POP1: variants seen among roughly 807,000 people sequenced by gnomAD.
POP1 encodes the protein ribonucleases P/MRP protein subunit POP1.
POP1 carries 75 observed loss-of-function variants against 102.2 expected under a neutral mutation model. That is an observed-to-expected ratio of 0.73 (90% CI 0.61 to 0.89). POP1 has a LOEUF of 0.89. Among genes scored for constraint, POP1 ranks in the 40% least tolerant of loss-of-function variants. The probability of loss-of-function intolerance (pLI) is 0.00; values close to 1 mark genes in which losing one functional copy is unlikely to be tolerated. For synonymous variants in POP1, 436 were observed against 464.1 expected, an observed-to-expected ratio of 0.94 and a Z score of 0.78; for missense variants, 1,116 against 1,267.4, an observed-to-expected ratio of 0.88 and a Z score of 1.81.
At chr8:98,132,561 A>G (rs551183311) in intron 5 of POP1, among the ~76,000 whole-genome samples, 39 of 152,292 alleles carry the variant, frequency 2.6e-4, no homozygotes, top group African/African-American at 8.9e-4. Context: ...GCTATAGCAG[A>G]AGGGTTGGTT....
intron 11 of POP1, among the ~76,000 whole-genome samples, chr8:98,145,842 G>T (rs906229439): frequency 7.9e-5 from 12 of 151,970 alleles, no homozygotes; most frequent in Non-Finnish European, 1.8e-4. Flanking sequence ...GGAGGCGAAG[G>T]TTGCAGTGAA....
intron 1 of POP1, 81 bp from the exon 2 acceptor site, chr8:98,123,255 G>C: frequency 6.7e-7 from 1 of 1,484,256 alleles, no homozygotes; most frequent in African/African-American, 1.4e-5. Flanking sequence ...TGAATCACAT[G>C]AATATTTACT....
chr8:98,126,384 A>T (rs1308305683), intron 2 of POP1, among the ~76,000 whole-genome samples: 1 of 152,154 alleles, frequency 6.6e-6, no homozygotes, highest in Non-Finnish European at 1.5e-5. Context: ...GGAAAATTGC[A>T]CATCCGACCT....
intron 11 of POP1, among the ~76,000 whole-genome samples, chr8:98,143,505 AT>A (rs775031661): frequency 8.5e-5 from 13 of 152,124 alleles, no homozygotes; most frequent in Non-Finnish European, 8.8e-5. Flanking sequence ...ATGAACCGAC[AT>A]TAACACATCA....
intron 1 of POP1, among the ~76,000 whole-genome samples, chr8:98,121,684 AT>A (rs35137527): frequency 0.31 from 42,056 of 136,268 alleles, 6,728 homozygotes; most frequent in South Asian, 0.4. Flanking sequence ...CACCCAACTA[AT>A]TTTTTTTTTT....
In POP1 at chr8:98,117,364, C is replaced by T. The variant is rs994136460; in HGVS notation, c.-29C>T. On this transcript the variant is annotated 5_prime_UTR_variant, in exon 1 of 16. Coordinates refer to ENST00000401707, the MANE Select transcript of POP1 (RefSeq NM_001145860.2). ...TGTCGCGGAGGCTTGTCATTCTGACCCGGGGATTCCTCACAGCGTCTGGCA... is the reference window on the plus strand; with the variant it reads ...TGTCGCGGAGGCTTGTCATTCTGACTCGGGGATTCCTCACAGCGTCTGGCA... The T allele has an allele frequency of 4.1e-6, 2 of 491,634 alleles. No individual in the cohort carries two copies. The highest frequency in any genetic ancestry group is 7.4e-6 in the Non-Finnish European group (2 of 271,050). 30.5% of individuals were successfully genotyped at this position (491,634 alleles called of 1,614,324 possible).
In POP1 at chr8:98,117,293, A is replaced by T; in HGVS notation, c.-100A>T. 1 of 608,968 alleles carries T rather than the reference A, an allele frequency of 1.6e-6. No individual in the cohort carries two copies. The allele number at this position is 608,968 out of a possible 1,614,324, so 37.7% of individuals were successfully genotyped here. On this transcript the variant is annotated 5_prime_UTR_variant, in exon 1 of 16. The change abolishes an upstream ATG in the 5' untranslated region. Transcript: ENST00000401707. ...GTGGAGGAAGCGCCCGGTCTGGCGCATGCGCTCTCCAGCGCGCTCTCCAGG... is the reference window on the plus strand; with the variant it reads ...GTGGAGGAAGCGCCCGGTCTGGCGCTTGCGCTCTCCAGCGCGCTCTCCAGG...
intron 11 of POP1, among the ~76,000 whole-genome samples, chr8:98,141,720 AT>A (rs933222679): frequency 0.046 from 6,170 of 133,090 alleles, 157 homozygotes; most frequent in African/African-American, 0.097. Flanking sequence ...CGCCTGGCTA[AT>A]TTTTTTTTTT....
chr8:98,121,241 C>T (rs1816010805), intron 1 of POP1, among the ~76,000 whole-genome samples: 3 of 152,128 alleles, frequency 2.0e-5, no homozygotes, highest in Admixed American at 2.0e-4. Flanking sequence ...AAACACTATA[C>T]CATATAGGCA....
intron 13 of POP1, among the ~76,000 whole-genome samples, chr8:98,149,881 C>T (rs191085230): frequency 2.0e-5 from 3 of 152,150 alleles, no homozygotes; most frequent in African/African-American, 7.2e-5. Context: ...TTTAGCATGC[C>T]TAGTGCAAGG....
In POP1 at chr8:98,158,425, TA is replaced by T; in HGVS notation, c.*155del. 6 of 790,284 alleles carry T rather than the reference TA, an allele frequency of 7.6e-6. No homozygotes were observed. The highest frequency in any genetic ancestry group is 1.0e-5 in the Non-Finnish European group (5 of 483,208). 49.0% of individuals were successfully genotyped at this position (790,284 alleles called of 1,614,324 possible). ...TGTATTATGCAGATGATGAAATGTT[TA>T]CATCATTCCAGTAATGTCATTGATT... On this transcript the variant is annotated 3_prime_UTR_variant, in exon 16 of 16. Transcript: ENST00000401707.
At chr8:98,151,327 G>A (rs1809508496) in intron 14 of POP1, among the ~76,000 whole-genome samples, 1 of 152,116 alleles carries the variant, frequency 6.6e-6, no homozygotes, top group South Asian at 2.1e-4. Context: ...TAGATCCACC[G>A]GCCTTGGCCT....
At chr8:98,136,327 C>T (rs1283048616) in intron 7 of POP1, among the ~76,000 whole-genome samples, 155 bp from the exon 8 acceptor site, 1 of 151,714 alleles carries the variant, frequency 6.6e-6, no homozygotes. Flanking sequence ...CTACCCACCT[C>T]GGCCTCCCAA....
Position 98,158,036 on chromosome 8 carries a change from T to C in POP1, c.2840T>C (p.Leu947Pro), listed in dbSNP as rs1198842639. The C allele has an allele frequency of 3.1e-6, 5 of 1,611,104 alleles. No individual in the cohort carries two copies. Among genetic ancestry groups the C allele is most frequent in the Non-Finnish European group, 4.2e-6 (5 of 1,179,988 alleles). The stretch of plus-strand genomic sequence containing the variant: ...GGGCAGGAAGCTCTGACTCTAGGGC[T>C]GTGGTCAGGCCCTCTGCCGCGTGTG... Reference protein sequence around the residue: ...VAGQEALTLGLWSGPLPRVTL... With the variant: ...VAGQEALTLGPWSGPLPRVTL... The change falls in exon 16 of 16, where the codon CTG becomes CCG. Residue 947 changes from leucine (L) to proline (P), a missense_variant. Transcript: ENST00000401707.
chr8:98,146,311 G>A (rs183653527), intron 11 of POP1, among the ~76,000 whole-genome samples: 2 of 152,310 alleles, frequency 1.3e-5, no homozygotes, highest in Admixed American at 1.3e-4. Flanking sequence ...TTATTTGGAG[G>A]CAATTTAATA....
At chr8:98,143,469 G>C (rs62522188) in intron 11 of POP1, among the ~76,000 whole-genome samples, 20,338 of 152,082 alleles carry the variant, frequency 0.13, 1,482 homozygotes, top group Middle Eastern at 0.27. Context: ...TATGTCCTTA[G>C]TAGAGTGGTA....
At chr8:98,119,396 A>G (rs138448868) in intron 1 of POP1, among the ~76,000 whole-genome samples, 319 of 152,320 alleles carry the variant, frequency 2.1e-3, no homozygotes, top group African/African-American at 7.1e-3. Flanking sequence ...CAAACTGGGA[A>G]CTAACTAACA....
At chr8:98,131,869 C>T (rs1226588349) in intron 5 of POP1, among the ~76,000 whole-genome samples, 1 of 152,114 alleles carries the variant, frequency 6.6e-6, no homozygotes, top group African/African-American at 2.4e-5. Flanking sequence ...AACTCAGCAG[C>T]AGAAATCATA....
At chr8:98,125,417 C>G (rs771898707) in intron 2 of POP1, among the ~76,000 whole-genome samples, 1 of 152,136 alleles carries the variant, frequency 6.6e-6, no homozygotes, top group Non-Finnish European at 1.5e-5. Context: ...AACTCCTAAC[C>G]TCAAGTGATC....
Sources: gnomAD v4.1 joint callset for allele counts (sites outside exome capture counted in the v4.1 genomes callset) on GRCh38, gnomAD v4.1.1 for gene constraint, MANE v1.5 for transcripts, NCBI Gene and HGNC (gene_info 2026-07-23, HGNC 2026-07-21) for gene names.